The following KLF12 variants were observed in gnomAD, a reference collection of about 807,000 sequenced individuals.
KLF12 encodes the protein Krueppel-like factor 12.
In KLF12, 9 loss-of-function variants were observed where a neutral mutation model predicts 37.8. The observed-to-expected ratio is 0.24, with a 90% confidence interval of 0.14 to 0.42. KLF12 has a LOEUF of 0.42. Ranked by LOEUF, KLF12 falls within the 10% of genes least tolerant of loss-of-function variation. The probability of loss-of-function intolerance (pLI) is 1.00; values close to 1 mark genes in which losing one functional copy is unlikely to be tolerated. For missense variants in KLF12, 411 were observed against 516.0 expected (o/e 0.80, Z 1.97); for synonymous variants, 208 against 202.1 (o/e 1.03, Z -0.25).
intron 3 of KLF12, among the ~76,000 whole-genome samples, chr13:73,912,496 C>G (rs193241078): frequency 1.6e-3 from 245 of 152,222 alleles, no homozygotes; most frequent in Non-Finnish European, 2.7e-3. Context: ...AAGAAACACA[C>G]AGAGACACAC....
upstream of KLF12, among the ~76,000 whole-genome samples, chr13:74,138,056 A>G (rs1302776762): frequency 6.6e-6 from 1 of 152,228 alleles, no homozygotes; most frequent in Non-Finnish European, 1.5e-5. Flanking sequence ...GCGCCCGGCC[A>G]GAAAAATCTT....
intron 3 of KLF12, among the ~76,000 whole-genome samples, chr13:73,924,778 C>T (rs1889296337): frequency 1.3e-5 from 2 of 152,178 alleles, no homozygotes; most frequent in East Asian, 3.8e-4. Flanking sequence ...AATAGCCACA[C>T]TGTGAATGAA....
chr13:74,078,119 G>A (rs1874669975), intron 1 of KLF12, among the ~76,000 whole-genome samples: 1 of 152,168 alleles, frequency 6.6e-6, no homozygotes, highest in African/African-American at 2.4e-5. Context: ...CCAAACTGAA[G>A]GAAAGCAGTT....
Position 73,944,003 on chromosome 13 carries a change from T to C in KLF12, c.101A>G (p.Glu34Gly). The C allele has an allele frequency of 6.2e-7, 1 of 1,612,370 alleles. No individual in the cohort carries two copies. The highest frequency in any genetic ancestry group is 8.5e-7 in the Non-Finnish European group (1 of 1,178,750). The change falls in exon 3 of 8, where the codon GAG (glutamate) becomes GGG (glycine). Residue 34 changes from glutamate (E) to glycine (G), a missense_variant. Coordinates refer to ENST00000377669, the MANE Select transcript of KLF12 (RefSeq NM_007249.5). ...TACCCCTTGTTCAGATTCCAAAAGCTCTGTTTTGACTCTGACTGCCGGCAT... is the reference window on the plus strand; with the variant it reads ...TACCCCTTGTTCAGATTCCAAAAGCCCTGTTTTGACTCTGACTGCCGGCAT...
At position 73,845,951 on chromosome 13, in the gene KLF12, A is replaced by G. The variant is rs1386173172; in HGVS notation, c.546T>C (p.His182=). 1.2e-6 allele frequency: 2 copies of G among 1,614,172 alleles called. No homozygotes were observed. The highest frequency in any genetic ancestry group is 1.7e-5 in the Admixed American group (1 of 60,010). Residue 182 remains histidine (H), a synonymous_variant, in exon 4 of 8, where the codon CAT becomes CAC. Coordinates refer to ENST00000377669, the MANE Select transcript of KLF12 (RefSeq NM_007249.5). ...GTACCACCACGGGGATGCGGTGAAC[A>G]TGACTCAGTTTGTTAGACTGTAAAT... is the stretch of plus-strand genomic sequence containing the variant.
At chr13:73,840,115 C>A (rs1181464281) in intron 4 of KLF12, among the ~76,000 whole-genome samples, 1 of 152,156 alleles carries the variant, frequency 6.6e-6, no homozygotes, top group Non-Finnish European at 1.5e-5. Flanking sequence ...TGAACACTCC[C>A]TCGCCAAATG....
In KLF12 at chr13:74,086,365, G is replaced by A. The variant is rs1006562359; in HGVS notation, c.-32+47374C>T. On this transcript the variant is annotated intron_variant, in intron 1 of 7. Coordinates refer to ENST00000377669, the MANE Select transcript of KLF12 (RefSeq NM_007249.5). ...TTCCCATCTATGAGTGAGAACATGC[G>A]GTGTTTGGTTTTTTGTCCTTGCGAT... Among the ~76,000 whole-genome samples the A allele has an allele frequency of 3.6e-4, 53 of 148,004 alleles. 1 individual carries two copies. Among genetic ancestry groups the A allele is most frequent in the African/African-American group, 1.1e-3 (45 of 40,052 alleles).
At chr13:73,805,618 G>GAGGGAGGGAGGAAGGAAGGA (rs1882532796) in intron 5 of KLF12, among the ~76,000 whole-genome samples, 1 of 42,016 alleles carries the variant, frequency 2.4e-5, no homozygotes, top group Non-Finnish European at 4.5e-5. Context: ...GGAAGGGAGG[G>GAGGGAGGGAGGAAGGAAGGA]AGGGAGGGAG....
Position 74,085,995 on chromosome 13 carries a change from A to C in KLF12, c.-32+47744T>G, listed in dbSNP as rs1266115451. Among the ~76,000 whole-genome samples the C allele has an allele frequency of 2.6e-5, 4 of 151,320 alleles. No individual in the cohort carries two copies. In the East Asian group the frequency reaches 7.7e-4, roughly 29 times the overall value. ...TTAACCTGCTTTATATTTTTGATAT[A>C]TATTATATATAAAATTATGAAAGAT... is the stretch of plus-strand genomic sequence containing the variant. On this transcript the variant is annotated intron_variant, in intron 1 of 7. Transcript: ENST00000377669.
chr13:74,258,161 TTGTGTGTGTGTGTGTGTGTGTG>T, the KLF12 span: 1 of 133,948 alleles, frequency 7.5e-6, no homozygotes, highest in East Asian at 2.1e-4. Context: ...ATTACTGTGT[TTGTGTGTGTGTGTGTGTGTGTG>T]TGTGTGTGTG....
At chr13:74,213,536 T>C in the KLF12 span, among the ~76,000 whole-genome samples, 1 of 152,220 alleles carries the variant, frequency 6.6e-6, no homozygotes, top group African/African-American at 2.4e-5. Flanking sequence ...CTTTAACTGG[T>C]AGTTAGAATG....
intron 3 of KLF12, among the ~76,000 whole-genome samples, chr13:73,924,156 A>T (rs1482213278): frequency 6.6e-6 from 1 of 152,218 alleles, no homozygotes; most frequent in Non-Finnish European, 1.5e-5. Context: ...CAACTCTTTA[A>T]ATTACAAAGT....
intron 5 of KLF12, chr13:73,812,868 A>T (rs1451365048): frequency 3.7e-6 from 1 of 272,024 alleles, no homozygotes. Flanking sequence ...ATTCAAAAAT[A>T]ACAATTTTTT....
intron 1 of KLF12, among the ~76,000 whole-genome samples, chr13:74,060,934 G>T (rs911675119): frequency 1.3e-5 from 2 of 152,146 alleles, no homozygotes; most frequent in Non-Finnish European, 2.9e-5. Flanking sequence ...TACCAGAAGA[G>T]AAATTATTTT....
the KLF12 span, among the ~76,000 whole-genome samples, chr13:74,214,131 T>C: frequency 6.6e-6 from 1 of 152,206 alleles, no homozygotes; most frequent in Non-Finnish European, 1.5e-5. Context: ...TTTATTTGCC[T>C]AGGTTTACAT....
chr13:74,218,681 A>G, the KLF12 span, among the ~76,000 whole-genome samples: 2 of 152,196 alleles, frequency 1.3e-5, no homozygotes, highest in Non-Finnish European at 2.9e-5. Flanking sequence ...TACACAGGAA[A>G]CAAAACTTCA....
chr13:74,060,447 C>T (rs1566523375), intron 1 of KLF12, among the ~76,000 whole-genome samples: 1 of 147,586 alleles, frequency 6.8e-6, no homozygotes, highest in Non-Finnish European at 1.5e-5. Flanking sequence ...CTTAAGAAGA[C>T]ATCTTTCGCC....
intron 2 of KLF12, among the ~76,000 whole-genome samples, chr13:73,983,065 G>C (rs1891730574): frequency 6.6e-6 from 1 of 151,868 alleles, no homozygotes; most frequent in Admixed American, 6.6e-5. Flanking sequence ...TCATTGAAAA[G>C]ATCTCTATAA....
intron 1 of KLF12, among the ~76,000 whole-genome samples, chr13:74,076,055 T>C (rs1416459668): frequency 6.6e-6 from 1 of 152,228 alleles, no homozygotes; most frequent in African/African-American, 2.4e-5. Context: ...GGTTTTCTTA[T>C]GTTCTAAAAT....
Sources: gnomAD v4.1 joint callset for allele counts (sites outside exome capture counted in the v4.1 genomes callset) on GRCh38, gnomAD v4.1.1 for gene constraint, MANE v1.5 for transcripts, NCBI Gene and HGNC (gene_info 2026-07-23, HGNC 2026-07-21) for gene names.